The following REV1 variants were observed in gnomAD, a reference collection of about 807,000 sequenced individuals.
REV1 encodes the protein translesion synthesis protein REV1.
REV1 carries 42 observed loss-of-function variants against 137.4 expected under a neutral mutation model. That is an observed-to-expected ratio of 0.31 (90% CI 0.24 to 0.40). The LOEUF (loss-of-function observed/expected upper bound fraction) is 0.40, where lower values mean the gene tolerates loss of function less well. REV1 is among the 10% of genes least tolerant of loss of function. The pLI, the probability that REV1 is intolerant of heterozygous loss-of-function variation, is 1.00. For synonymous variants in REV1, 524 were observed against 519.2 expected (o/e 1.01, Z -0.12); for missense variants, 1,282 against 1,490.1 (o/e 0.86, Z 2.30).
intron 12 of REV1, among the ~76,000 whole-genome samples, chr2:99,414,662 T>C (rs1452366448): frequency 6.6e-6 from 1 of 152,254 alleles, no homozygotes; most frequent in Non-Finnish European, 1.5e-5. Context: ...TTGTTATTTC[T>C]TTTTTGTCAT....
intron 11 of REV1, among the ~76,000 whole-genome samples, chr2:99,421,148 G>C (rs1299173673): frequency 6.6e-6 from 1 of 151,988 alleles, no homozygotes; most frequent in African/African-American, 2.4e-5. Context: ...GAAGTGCAGA[G>C]AGTAACAAGA....
Position 99,400,490 on chromosome 2 carries a change from T to TTTTTA in REV1, c.*746_*750dup, listed in dbSNP as rs1223009552. The stretch of plus-strand genomic sequence containing the variant: ...TCCACTAGCATAGAATTTTAAACTA[T>TTTTTA]TTTTATTTTAAAGTTATGGCATAAC... On this transcript the variant is annotated 3_prime_UTR_variant, in exon 23 of 23. Transcript: ENST00000258428. 13 of 152,306 alleles carry TTTTTA rather than the reference T, an allele frequency of 8.5e-5. No individual in the cohort carries two copies. The South Asian group carries it at 2.7e-3, about 32-fold the overall frequency. 9.4% of individuals were successfully genotyped at this position (152,306 alleles called of 1,614,324 possible). A position where few individuals can be genotyped will look rare whatever the true frequency, so the allele number is the denominator to read the frequency against.
intron 5 of REV1, among the ~76,000 whole-genome samples, chr2:99,439,516 T>A (rs2104828499): frequency 6.6e-6 from 1 of 152,242 alleles, no homozygotes; most frequent in Non-Finnish European, 1.5e-5. Context: ...AAAAGATCAT[T>A]CTTTGCAAAA....
chr2:99,428,609 A>G (rs28382914), intron 9 of REV1, among the ~76,000 whole-genome samples: 1 of 150,900 alleles, frequency 6.6e-6, no homozygotes, highest in East Asian at 1.9e-4. Context: ...TAGCAAATTT[A>G]AAAAAAACTA....
chr2:99,478,439 G>A (rs1252606885), intron 1 of REV1, among the ~76,000 whole-genome samples: 1 of 152,132 alleles, frequency 6.6e-6, no homozygotes, highest in East Asian at 1.9e-4. Context: ...ATCAAGCTAC[G>A]AAGGAACACA....
chr2:99,449,252 G>A lies in REV1; in HGVS notation c.350+84C>T, dbSNP rs971975733. 4.6e-5 allele frequency: 38 copies of A among 820,274 alleles called. No individual in the cohort carries two copies. In the African/African-American group the frequency reaches 5.0e-4, roughly 11 times the overall value. The allele number at this position is 820,274 out of a possible 1,614,324, so 50.8% of individuals were successfully genotyped here. A position where few individuals can be genotyped will look rare whatever the true frequency, so the allele number is the denominator to read the frequency against. ...TGCACTCTAGCCTGGGCGACAAAGCGAGACCCTATCTCAAAAAAATAAATA... is the reference window on the plus strand; with the variant it reads ...TGCACTCTAGCCTGGGCGACAAAGCAAGACCCTATCTCAAAAAAATAAATA... On this transcript the variant is annotated intron_variant, in intron 4 of 22. Coordinates refer to ENST00000258428, the MANE Select transcript of REV1 (RefSeq NM_016316.4).
At chr2:99,482,408 G>A (rs780788860) in intron 1 of REV1, among the ~76,000 whole-genome samples, 1 of 152,166 alleles carries the variant, frequency 6.6e-6, no homozygotes, top group Non-Finnish European at 1.5e-5. Context: ...ATTATCAAAC[G>A]TGAGGTGTAG....
intron 3 of REV1, 37 bp downstream of exon 3, chr2:99,462,459 T>C: frequency 1.9e-6 from 3 of 1,561,844 alleles, no homozygotes; most frequent in African/African-American, 1.4e-5. Flanking sequence ...CTAATAAAAA[T>C]ACATGCCAAA....
intron 18 of REV1, 85 bp downstream of exon 18, chr2:99,404,359 G>A (rs988401480): frequency 1.8e-6 from 2 of 1,105,872 alleles, no homozygotes; most frequent in African/African-American, 1.6e-5. Context: ...ATACAGAGGA[G>A]AAAGGGAAGT....
At chr2:99,409,448 A>G (rs960975654) in intron 14 of REV1, among the ~76,000 whole-genome samples, 1 of 152,192 alleles carries the variant, frequency 6.6e-6, no homozygotes, top group Non-Finnish European at 1.5e-5. Flanking sequence ...TCACAGATGA[A>G]ATACAGTGCA....
At position 99,439,064 on chromosome 2, in the gene REV1, G is replaced by A. The variant is rs150497880; in HGVS notation, c.750C>T (p.Ala250=). 12 of 1,613,948 alleles carry A rather than the reference G, an allele frequency of 7.4e-6. No homozygotes were observed. The highest frequency in any genetic ancestry group is 1.0e-5 in the Non-Finnish European group (12 of 1,179,988). ...DCLVPMVNSV[A]SRLSPAFSQE... Reference sequence around the variant, plus strand: ...GGGAAAAGGCTGGAGAAAGCCTGCTGGCAACACTGTTGACCATGGGCACCA... The same window carrying A: ...GGGAAAAGGCTGGAGAAAGCCTGCTAGCAACACTGTTGACCATGGGCACCA... Residue 250 remains alanine, a synonymous_variant, in exon 6 of 23, where the codon GCC becomes GCT. Coordinates refer to ENST00000258428, the MANE Select transcript of REV1 (RefSeq NM_016316.4).
At chr2:99,427,436 A>G (rs893240536) in intron 9 of REV1, among the ~76,000 whole-genome samples, 1 of 152,200 alleles carries the variant, frequency 6.6e-6, no homozygotes, top group Admixed American at 6.5e-5. Flanking sequence ...ACAGCAGTGC[A>G]AACTGTGACC....
In REV1 at chr2:99,442,328, G is replaced by A; in HGVS notation, c.492C>T (p.Leu164=). The A allele has an allele frequency of 1.3e-6, 2 of 1,572,176 alleles. No homozygotes were observed. The highest frequency in any genetic ancestry group is 1.1e-5 in the South Asian group (1 of 90,344). Residue 164 remains leucine (L), a synonymous_variant, in exon 5 of 23, where the codon CTC becomes CTT. Coordinates refer to ENST00000258428, the MANE Select transcript of REV1 (RefSeq NM_016316.4). ...CTAGACAAACTTACACCCTGTTGTT[G>A]AGCTGTTTGGCTATATTGCTTGGAC... ...LPGPSNIAKQ[L]NNRVNHIVKK...
At chr2:99,426,277 G>A (rs1189731886) in intron 9 of REV1, among the ~76,000 whole-genome samples, 1 of 151,390 alleles carries the variant, frequency 6.6e-6, no homozygotes, top group Non-Finnish European at 1.5e-5. Flanking sequence ...AACCTGGGAG[G>A]TGGAGGTTGC....
chr2:99,481,640 A>C (rs1374337096), intron 1 of REV1, among the ~76,000 whole-genome samples: 1 of 152,086 alleles, frequency 6.6e-6, no homozygotes, highest in African/African-American at 2.4e-5. Context: ...AGGCAGGAGG[A>C]TCACTTGAGG....
chr2:99,459,732 A>G (rs2105081725), intron 3 of REV1, among the ~76,000 whole-genome samples: 1 of 152,256 alleles, frequency 6.6e-6, no homozygotes, highest in South Asian at 2.1e-4. Context: ...CAAAACAAAC[A>G]AAAAGGATAG....
intron 4 of REV1, among the ~76,000 whole-genome samples, chr2:99,448,037 T>C (rs1471912150): frequency 6.6e-6 from 1 of 152,216 alleles, no homozygotes; most frequent in Non-Finnish European, 1.5e-5. Context: ...ATATGGATAC[T>C]GAACTGCCGA....
chr2:99,440,274 T>C (rs3792144), intron 5 of REV1, among the ~76,000 whole-genome samples: 65,497 of 152,068 alleles, frequency 0.43, 14,355 homozygotes, highest in Admixed American at 0.58. Flanking sequence ...CAGTAATTCA[T>C]TCTACTTAGG....
intron 18 of REV1, 83 bp downstream of exon 18, chr2:99,404,361 A>C (rs2104362154): frequency 8.8e-7 from 1 of 1,137,008 alleles, no homozygotes; most frequent in Non-Finnish European, 1.3e-6. Context: ...ACAGAGGAGA[A>C]AGGGAAGTGA....
Sources: gnomAD v4.1 joint callset for allele counts (sites outside exome capture counted in the v4.1 genomes callset) on GRCh38, gnomAD v4.1.1 for gene constraint, MANE v1.5 for transcripts, NCBI Gene and HGNC (gene_info 2026-07-23, HGNC 2026-07-21) for gene names.